MUC4: variants seen among roughly 807,000 people sequenced by gnomAD.
MUC4 encodes mucin 4, cell surface associated.
Under a neutral mutation model 257.9 loss-of-function variants are expected in MUC4, and 202 were observed. The ratio of observed to expected loss-of-function variants is 0.78; its 90% CI spans 0.70 to 0.88. The LOEUF (loss-of-function observed/expected upper bound fraction) is 0.88. MUC4 is among the 40% of genes least tolerant of loss of function. The pLI is 0.00. For synonymous variants in MUC4, 2,351 were observed against 2,757.1 expected (o/e 0.85, Z 4.62); for missense variants, 5,976 against 6,513.7 (o/e 0.92, Z 2.84).
intron 1 of MUC4, among the ~76,000 whole-genome samples, chr3:195,794,424 GAGAGAA>G (rs948136372): frequency 6.6e-6 from 1 of 152,154 alleles, no homozygotes; most frequent in African/African-American, 2.4e-5. Context: ...GAAAGAGAGA[GAGAGAA>G]AGAGAGACAG....
chr3:195,796,551 C>T (rs1734604116), intron 1 of MUC4, among the ~76,000 whole-genome samples: 1 of 151,742 alleles, frequency 6.6e-6, no homozygotes, highest in South Asian at 2.1e-4. Context: ...ATTAGCTGGG[C>T]ATGGTGGCAG....
intron 1 of MUC4, among the ~76,000 whole-genome samples, chr3:195,801,223 G>A (rs778493739): frequency 6.6e-6 from 1 of 152,194 alleles, no homozygotes; most frequent in African/African-American, 2.4e-5. Context: ...CCGTCAGATT[G>A]TCAGACAACT....
In MUC4 at chr3:195,788,254, T is replaced by C. The variant is rs745758675; in HGVS notation, c.3326A>G (p.Asp1109Gly). 11 of 1,424,528 alleles carry C rather than the reference T, an allele frequency of 7.7e-6. No homozygotes were observed. The African/African-American group carries it at 1.4e-4, about 18-fold the overall frequency. 88.2% of individuals were successfully genotyped at this position (1,424,528 alleles called of 1,614,324 possible). Residue 1109 changes from aspartate (D) to glycine (G), a missense_variant, in exon 2 of 25, where the codon GAC becomes GGC. By Grantham distance (94) the Asp-to-Gly change is moderately conservative. Around this residue, in one of 44 missense-constraint regions of MUC4, gnomAD observed 68 missense variants for 90.4 expected, o/e 0.75. Transcript: ENST00000463781. ...GTGACCTGTGGATACTGAGGAAGTGTCGGTGACAGGAAGAGAGGTGGCGTG... is the reference window on the plus strand; with the variant it reads ...GTGACCTGTGGATACTGAGGAAGTGCCGGTGACAGGAAGAGAGGTGGCGTG... ...TGHATSLPVT[D>G]TSSVSTGHTT...
At chr3:195,767,599 A>C (rs1201264446) in intron 7 of MUC4, among the ~76,000 whole-genome samples, 1 of 103,674 alleles carries the variant, frequency 9.6e-6, no homozygotes. Context: ...CACCACCACC[A>C]TCATCACCAT....
intron 3 of MUC4, 100 bp downstream of exon 3, chr3:195,778,203 T>C: frequency 7.0e-7 from 1 of 1,425,140 alleles, no homozygotes; most frequent in Non-Finnish European, 9.4e-7. Context: ...GGTAAGGCCC[T>C]CCCCACCCGA....
At position 195,784,641 on chromosome 3, in the gene MUC4, T is replaced by C. The variant is rs200426789; in HGVS notation, c.6939A>G (p.Ala2313=). Residue 2313 remains alanine (A), a synonymous_variant, in exon 2 of 25, where the codon GCA becomes GCG. Coordinates refer to ENST00000463781, the MANE Select transcript of MUC4 (RefSeq NM_018406.7). ...TPLHVTDASS[A]STGHATPLPV... ...GAAGAGGGGTGGCGTGACCTGTGGA[T>C]GCTGAGGAAGCGTCGGTGACATGAA... 42 of 1,328,490 alleles carry C rather than the reference T, an allele frequency of 3.2e-5. No homozygotes were observed. The highest frequency in any genetic ancestry group is 2.8e-4 in the Middle Eastern group (1 of 3,622). 82.3% of individuals were successfully genotyped at this position (1,328,490 alleles called of 1,614,324 possible).
chr3:195,762,348 G>A (rs1335324214), intron 13 of MUC4, 94 bp from the exon 14 acceptor site: 4 of 1,335,568 alleles, frequency 3.0e-6, no homozygotes, highest in Non-Finnish European at 4.1e-6. Flanking sequence ...CCCCCACCCC[G>A]CCCCTGGGGC....
In MUC4 at chr3:195,774,245, A is replaced by G; in HGVS notation, c.13004T>C (p.Val4335Ala). ...AGDLEFVRRT[V>A]DFTSPLFKPA... ...CTTGAAGAGTGGGGAGGTGAAGTCC[A>G]CGGTCCTCCTGACGAACTCCAGGTC... The change falls in exon 4 of 25, where the codon GTG (valine) becomes GCG (alanine). Residue 4335 changes from valine (V) to alanine (A), a missense_variant. By Grantham distance (64) the Val-to-Ala change is moderately conservative (BLOSUM62 0). Coordinates refer to ENST00000463781, the MANE Select transcript of MUC4 (RefSeq NM_018406.7). 1.9e-6 allele frequency: 3 copies of G among 1,603,358 alleles called. No homozygotes were observed. The highest frequency in any genetic ancestry group is 1.1e-5 in the South Asian group (1 of 90,172).
chr3:195,777,779 C>T (rs374088007), intron 3 of MUC4, among the ~76,000 whole-genome samples: 31 of 33,098 alleles, frequency 9.4e-4, no homozygotes, highest in South Asian at 5.4e-3. Flanking sequence ...ACCTTCCACA[C>T]CCATACCTTC....
Position 195,781,867 on chromosome 3 carries a change from GGGC to G in MUC4, c.9710_9712del (p.Ser3237_Pro3238delinsThr), listed in dbSNP as rs1728292955. The G allele has an allele frequency of 1.1e-6, 1 of 932,530 alleles. No individual in the cohort carries two copies. The highest frequency in any genetic ancestry group is 2.2e-5 in the African/African-American group (1 of 45,046). The allele number at this position is 932,530 out of a possible 1,614,324, so 57.8% of individuals were successfully genotyped here. ...GGCATGACCGGTGGATGCTGAGGAA[GGGC>G]TAGTGACAGGAAGAGGCGTGGTGTC... On this transcript the variant is annotated inframe_deletion, in exon 2 of 25. Transcript: ENST00000463781.
chr3:195,760,716 G>A (rs1718703658), intron 16 of MUC4, among the ~76,000 whole-genome samples, 168 bp downstream of exon 16: 1 of 152,248 alleles, frequency 6.6e-6, no homozygotes, highest in Admixed American at 6.5e-5. Flanking sequence ...CCACTGCAAG[G>A]ATGGAGAGAG....
chr3:195,790,416 C>T lies in MUC4; in HGVS notation c.1164G>A (p.Leu388=). ...GCATTCTGAACACCTTTGATGTTAC[C>T]AGGAATGTATTGCTGACACTGGAAG... The part of the protein sequence containing the change: ...SSPSSVSNTF[L]VTSKVFRMPT... Residue 388 remains leucine, a synonymous_variant, in exon 2 of 25, where the codon CTG becomes CTA. Transcript: ENST00000463781. 1 of 1,613,610 alleles carries T rather than the reference C, an allele frequency of 6.2e-7. No homozygotes were observed. The highest frequency in any genetic ancestry group is 8.5e-7 in the Non-Finnish European group (1 of 1,179,584).
intron 23 of MUC4, among the ~76,000 whole-genome samples, chr3:195,749,447 A>C (rs1213442125): frequency 6.6e-6 from 1 of 152,148 alleles, no homozygotes; most frequent in Non-Finnish European, 1.5e-5. Flanking sequence ...TAGATGTGTA[A>C]TTCAGGGAAC....
intron 15 of MUC4, among the ~76,000 whole-genome samples, 177 bp downstream of exon 15, chr3:195,761,307 C>T (rs556494457): frequency 1.3e-5 from 2 of 152,302 alleles, no homozygotes; most frequent in African/African-American, 2.4e-5. Context: ...CCCATTCTCT[C>T]CTCCAGGTAG....
chr3:195,767,825 A>ACCATCG (rs1721695165), intron 7 of MUC4, among the ~76,000 whole-genome samples: 2 of 119,534 alleles, frequency 1.7e-5, no homozygotes, highest in African/African-American at 6.4e-5. Context: ...CACCACCACC[A>ACCATCG]CCACCATCAC....
chr3:195,757,212 G>A lies in MUC4; in HGVS notation c.15103C>T (p.His5035Tyr). 1 of 1,613,316 alleles carries A rather than the reference G, an allele frequency of 6.2e-7. No individual in the cohort carries two copies. The highest frequency in any genetic ancestry group is 8.5e-7 in the Non-Finnish European group (1 of 1,179,394). ...SALQPRTVVC[H>Y]CNAESQCLYN... ...AAACACTGGCTCTCTGCATTGCAAT[G>A]GCAGACCACAGTCCTGGGCTGGAGT... Residue 5035 changes from histidine to tyrosine, a missense_variant, in exon 18 of 25, where the codon CAT becomes TAT. Physicochemically the swap from His to Tyr is moderately conservative, Grantham distance 83 (BLOSUM62 2). Coordinates refer to ENST00000463781, the MANE Select transcript of MUC4 (RefSeq NM_018406.7). The surrounding 1 kb of genome is among the most constrained non-coding windows in gnomAD (Gnocchi z 4.8).
rs1039180865 is a variant in MUC4, at chr3:195,790,891, T to C, written c.689A>G (p.Asn230Ser). The change falls in exon 2 of 25, where the codon AAT becomes AGT. Residue 230 changes from asparagine to serine, a missense_variant. Asn to Ser is a conservative substitution (Grantham distance 46). Around this residue, in one of 44 missense-constraint regions of MUC4, gnomAD observed 1,583 missense variants for 1,257.4 expected, o/e 1.26. Transcript: ENST00000463781. Reference sequence around the variant, plus strand: ...CTTCTGAGAAACAGTCCCTGTCACATTGTGTACACTTGGAGAGAAAGAAGG... The same window carrying C: ...CTTCTGAGAAACAGTCCCTGTCACACTGTGTACACTTGGAGAGAAAGAAGG... ...STPSFSPSVHNVTGTVSQKTS... is the reference protein window; with the variant it reads ...STPSFSPSVHSVTGTVSQKTS... The C allele has an allele frequency of 8.1e-6, 13 of 1,614,000 alleles. No individual in the cohort carries two copies. The highest frequency in any genetic ancestry group is 1.1e-5 in the Non-Finnish European group (13 of 1,179,866).
chr3:195,811,772 A>G lies in MUC4; in HGVS notation c.46T>C (p.Cys16Arg). 1 of 1,614,018 alleles carries G rather than the reference A, an allele frequency of 6.2e-7. No homozygotes were observed. The highest frequency in any genetic ancestry group is 8.5e-7 in the Non-Finnish European group (1 of 1,179,990). Residue 16 changes from cysteine (C) to arginine (R), a missense_variant, in exon 1 of 25, where the codon TGC (cysteine) becomes CGC (arginine). Physicochemically the swap from Cys to Arg is radical, Grantham distance 180 (BLOSUM62 -3). This residue lies in a region of MUC4 where 1,583 missense variants were observed against 1,257.4 expected (regional missense o/e 1.26). Coordinates refer to ENST00000463781, the MANE Select transcript of MUC4 (RefSeq NM_018406.7). ...WRRVPWVSLS[C>R]LCLCLLPHVV... ...TGCGGAAGGAGGCAGAGACACAGGCAGCTCAGGGACACCCAGGGGACCCTC... is the reference window on the plus strand; with the variant it reads ...TGCGGAAGGAGGCAGAGACACAGGCGGCTCAGGGACACCCAGGGGACCCTC...
intron 1 of MUC4, among the ~76,000 whole-genome samples, chr3:195,803,714 G>T (rs554470196): frequency 6.6e-6 from 1 of 152,356 alleles, no homozygotes; most frequent in South Asian, 2.1e-4. Context: ...TGAAGAGACC[G>T]AGTGATATTA....
Sources: gnomAD v4.1 joint callset for allele counts (sites outside exome capture counted in the v4.1 genomes callset) on GRCh38, gnomAD v4.1.1 for gene constraint, gnomAD v4.1.1 regional missense constraint, Gnocchi (gnomAD v3.1) non-coding constraint, MANE v1.5 for transcripts, NCBI Gene and HGNC (gene_info 2026-07-23, HGNC 2026-07-21) for gene names.